Variants in GRIK2 observed in about 807,000 individuals in gnomAD.
GRIK2 encodes the protein glutamate ionotropic receptor kainate type subunit 2.
A neutral mutation model predicts 100.3 loss-of-function variants in GRIK2; 32 were observed. The ratio of observed to expected loss-of-function variants is 0.32; its 90% CI spans 0.24 to 0.43. GRIK2 has a LOEUF of 0.43. GRIK2 is among the 20% of genes least tolerant of loss of function. The probability of loss-of-function intolerance (pLI) is 1.00; values close to 1 mark genes in which losing one functional copy is unlikely to be tolerated. For synonymous variants in GRIK2, 417 were observed against 389.4 expected (o/e 1.07, Z -0.83); for missense variants, 843 against 1,114.9 (o/e 0.76, Z 3.47).
chr6:101,788,473 C>A (rs2128406016), intron 7 of GRIK2, among the ~76,000 whole-genome samples: 1 of 151,102 alleles, frequency 6.6e-6, no homozygotes, highest in South Asian at 2.1e-4. Flanking sequence ...GGTTTTTTGT[C>A]CTTGCAATAG....
chr6:101,578,347 T>C (rs1777883488), intron 2 of GRIK2, among the ~76,000 whole-genome samples: 1 of 152,144 alleles, frequency 6.6e-6, no homozygotes, highest in African/African-American at 2.4e-5. Flanking sequence ...CTATGTATTT[T>C]CTATAATGTT....
rs141041341 is a variant in GRIK2, at chr6:101,490,315, CAAAG to C, written c.115+90925_115+90928del. ...TACCTCCAGTTTGCATATAAGAAAA[CAAAG>C]ATATAGAAAATTTAAGAAACTTCTC... is the stretch of plus-strand genomic sequence containing the variant. On this transcript the variant is annotated intron_variant, in intron 2 of 16. Transcript: ENST00000369134. 9.6e-3 allele frequency among the ~76,000 whole-genome samples: 1,413 copies of C among 146,694 alleles called. 217 individuals carry two copies. The highest frequency in any genetic ancestry group is 0.035 in the African/African-American group (1,352 of 38,578).
intron 14 of GRIK2, among the ~76,000 whole-genome samples, chr6:102,022,143 T>TAC (rs3995831): frequency 0.012 from 1,626 of 133,232 alleles, 15 homozygotes; most frequent in East Asian, 0.046. Flanking sequence ...AACACACACA[T>TAC]ACACACACAC....
chr6:101,845,779 C>CT (rs1783772255), intron 10 of GRIK2, among the ~76,000 whole-genome samples: 2 of 152,132 alleles, frequency 1.3e-5, no homozygotes, highest in African/African-American at 4.8e-5. Context: ...TTCTCACTAG[C>CT]AAATGTATGA....
At position 101,928,743 on chromosome 6, in the gene GRIK2, A is replaced by G. The variant is rs1055240889; in HGVS notation, c.2085+111A>G. ...ACGCCATTATTTGTGCACAATTCTTAATAATAGCATATACCTCAAGGGGTG... is the reference window on the plus strand; with the variant it reads ...ACGCCATTATTTGTGCACAATTCTTGATAATAGCATATACCTCAAGGGGTG... On this transcript the variant is annotated intron_variant, in intron 14 of 16. Transcript: ENST00000369134. 4 of 659,634 alleles carry G rather than the reference A, an allele frequency of 6.1e-6. No homozygotes were observed. In the African/African-American group the frequency reaches 7.2e-5, roughly 12 times the overall value. The allele number at this position is 659,634 out of a possible 1,614,324, so 40.9% of individuals were successfully genotyped here.
At chr6:101,572,965 G>A (rs1395787225) in intron 2 of GRIK2, among the ~76,000 whole-genome samples, 2 of 151,714 alleles carry the variant, frequency 1.3e-5, no homozygotes, top group African/African-American at 4.8e-5. Context: ...TCTTGCCTCA[G>A]CCTCCTGAGT....
chr6:101,641,306 C>T (rs1170452417), intron 4 of GRIK2, among the ~76,000 whole-genome samples: 1 of 151,630 alleles, frequency 6.6e-6, no homozygotes, highest in Non-Finnish European at 1.5e-5. Flanking sequence ...TTTTCAAATT[C>T]CCCATTCCAC....
intron 2 of GRIK2, among the ~76,000 whole-genome samples, chr6:101,525,556 C>T (rs540802891): frequency 6.6e-6 from 1 of 152,152 alleles, no homozygotes; most frequent in Non-Finnish European, 1.5e-5. Context: ...TAACAATTCT[C>T]TCCTTATTTT....
chr6:101,762,073 C>CTCCCTTCCTTTCCTTCCTT (rs1562366238), intron 7 of GRIK2, among the ~76,000 whole-genome samples: 2 of 129,484 alleles, frequency 1.5e-5, no homozygotes, highest in African/African-American at 6.4e-5. Flanking sequence ...CTTTCCTTTC[C>CTCCCTTCCTTTCCTTCCTT]CCTCCCTTCC....
intron 2 of GRIK2, among the ~76,000 whole-genome samples, chr6:101,473,953 T>A (rs1772087004): frequency 6.6e-6 from 1 of 151,878 alleles, no homozygotes; most frequent in Non-Finnish European, 1.5e-5. Context: ...TGTTATATGA[T>A]TTTTAAAAAA....
chr6:101,470,238 A>G (rs1412322053), intron 2 of GRIK2, among the ~76,000 whole-genome samples: 1 of 152,040 alleles, frequency 6.6e-6, no homozygotes, highest in East Asian at 1.9e-4. Context: ...CAGCTCCACA[A>G]CCCCTAGTTT....
At chr6:101,881,830 G>A (rs767149281) in intron 11 of GRIK2, among the ~76,000 whole-genome samples, 2 of 151,984 alleles carry the variant, frequency 1.3e-5, no homozygotes, top group Non-Finnish European at 2.9e-5. Context: ...CCTACCCTGG[G>A]TGACAGAGCA....
chr6:101,707,449 ATTC>A (rs1349757518), intron 7 of GRIK2, among the ~76,000 whole-genome samples: 2 of 146,684 alleles, frequency 1.4e-5, no homozygotes, highest in Non-Finnish European at 3.0e-5. Context: ...CATTATCACA[ATTC>A]TTTTATATAT....
intron 4 of GRIK2, among the ~76,000 whole-genome samples, chr6:101,642,960 C>T (rs575725805): frequency 7.9e-5 from 12 of 151,812 alleles, no homozygotes; most frequent in Middle Eastern, 6.8e-3. Flanking sequence ...TTTTGATTTG[C>T]ATTTCCCTCA....
chr6:101,645,623 C>T (rs976379455), intron 4 of GRIK2, among the ~76,000 whole-genome samples: 3 of 151,836 alleles, frequency 2.0e-5, no homozygotes, highest in African/African-American at 7.2e-5. Context: ...TCTCCATCTC[C>T]CTTAAGCAAG....
chr6:101,642,692 G>A (rs186271758), intron 4 of GRIK2, among the ~76,000 whole-genome samples: 25 of 151,738 alleles, frequency 1.6e-4, no homozygotes, highest in African/African-American at 6.0e-4. Context: ...ATGCTGCTAT[G>A]GACATGGGTA....
At chr6:101,591,790 A>T (rs1778653949) in intron 2 of GRIK2, among the ~76,000 whole-genome samples, 1 of 152,178 alleles carries the variant, frequency 6.6e-6, no homozygotes, top group South Asian at 2.1e-4. Context: ...TGGGAGTCAA[A>T]TGAAAAAGGG....
intron 2 of GRIK2, among the ~76,000 whole-genome samples, chr6:101,615,383 T>C (rs1027218507): frequency 2.6e-5 from 4 of 151,728 alleles, no homozygotes; most frequent in Non-Finnish European, 5.9e-5. Context: ...TTTGCTTGTG[T>C]TGTATGGAGA....
intron 14 of GRIK2, among the ~76,000 whole-genome samples, chr6:102,006,542 A>AT (rs111902828): frequency 4.4e-4 from 66 of 151,538 alleles, no homozygotes; most frequent in African/African-American, 1.2e-3. Context: ...TAATTTTTGT[A>AT]TTTTTTATAG....
Sources: allele counts gnomAD v4.1 joint callset (sites outside exome capture counted in the v4.1 genomes callset), GRCh38; gene constraint gnomAD v4.1.1; transcripts MANE v1.5; gene names NCBI Gene and HGNC (gene_info 2026-07-23, HGNC 2026-07-21).